Variants in CADPS observed in about 807,000 individuals in gnomAD.
CADPS encodes calcium dependent secretion activator.
CADPS carries 57 observed loss-of-function variants against 167.3 expected under a neutral mutation model. The observed-to-expected ratio is 0.34, with a 90% CI of 0.28 to 0.42. The LOEUF (loss-of-function observed/expected upper bound fraction) is 0.42, where lower values mean the gene tolerates loss of function less well. Ranked by LOEUF, CADPS falls within the 20% of genes least tolerant of loss-of-function variation. CADPS has a pLI of 1.00. For synonymous variants in CADPS, 676 were observed against 635.3 expected, an observed-to-expected ratio of 1.06 and a Z score of -0.96; for missense variants, 1,414 against 1,738.1, an observed-to-expected ratio of 0.81 and a Z score of 3.32.
At position 62,433,522 on chromosome 3, in the gene CADPS, T is replaced by C. The variant is rs567393141; in HGVS notation, c.3777+4582A>G. 6.6e-6 allele frequency among the ~76,000 whole-genome samples: 1 copy of C among 152,294 alleles called. No individual in the cohort carries two copies. Among genetic ancestry groups the C allele is most frequent in the Admixed American group, 6.5e-5 (1 of 15,272 alleles). On this transcript the variant is annotated intron_variant, in intron 28 of 29. Transcript: ENST00000383710. This position sits in a 1 kb window ranked among gnomAD's most constrained non-coding sequence, Gnocchi z 4.7. ...TCCTCCAGAAGGCAGATTAAGTGTA[T>C]AATTGACCTATATAATCCATGTATC...
intron 1 of CADPS, among the ~76,000 whole-genome samples, chr3:62,774,296 A>G (rs1576223028): frequency 1.3e-5 from 2 of 152,258 alleles, no homozygotes; most frequent in South Asian, 2.1e-4. Context: ...TTAAAAAAAA[A>G]GAACATTTTT....
At chr3:62,557,634 C>T in intron 9 of CADPS, 121 bp from the exon 10 acceptor site, 2 of 752,252 alleles carry the variant, frequency 2.7e-6, no homozygotes, top group Admixed American at 1.9e-5. Context: ...CTGAGTTTTG[C>T]TACCTCCTGG....
At chr3:62,645,692 T>C in intron 6 of CADPS, 30 bp downstream of exon 6, 7 of 1,612,368 alleles carry the variant, frequency 4.3e-6, no homozygotes, top group Non-Finnish European at 5.9e-6. Flanking sequence ...CAACCCTCTA[T>C]AAGATGGACC....
At chr3:62,818,302 A>T (rs996892961) in intron 1 of CADPS, among the ~76,000 whole-genome samples, 1 of 152,142 alleles carries the variant, frequency 6.6e-6, no homozygotes, top group Non-Finnish European at 1.5e-5. Flanking sequence ...TCAAAATCTC[A>T]GGGGAGGCAA....
intron 24 of CADPS, among the ~76,000 whole-genome samples, chr3:62,468,483 C>T (rs962654808): frequency 7.2e-5 from 11 of 152,150 alleles, no homozygotes; most frequent in African/African-American, 2.7e-4. Context: ...TCTCCACACA[C>T]CAACAAAGAT....
intron 28 of CADPS, among the ~76,000 whole-genome samples, chr3:62,426,529 C>T (rs987352237): frequency 1.3e-5 from 2 of 152,230 alleles, no homozygotes; most frequent in Non-Finnish European, 2.9e-5. Context: ...TTTCTATGTG[C>T]CATGCACTGT....
At chr3:62,537,919 T>G (rs1159211424) in intron 11 of CADPS, among the ~76,000 whole-genome samples, 1 of 152,162 alleles carries the variant, frequency 6.6e-6, no homozygotes, top group African/African-American at 2.4e-5. Context: ...AAAAACGTTG[T>G]CATTTTTCAT....
chr3:62,678,010 T>G (rs2076588255), intron 3 of CADPS, among the ~76,000 whole-genome samples: 1 of 152,060 alleles, frequency 6.6e-6, no homozygotes, highest in Non-Finnish European at 1.5e-5. Context: ...ACCCCTGTGT[T>G]GTATGCATAT....
At chr3:62,571,116 A>C (rs28666854) in intron 8 of CADPS, among the ~76,000 whole-genome samples, 178 bp from the exon 9 acceptor site, 4,328 of 152,242 alleles carry the variant, frequency 0.028, 175 homozygotes, top group African/African-American at 0.097. Flanking sequence ...TTTCACTTCC[A>C]CTTACAGGAG....
At chr3:62,645,042 A>G (rs1413758553) in intron 6 of CADPS, among the ~76,000 whole-genome samples, 1 of 152,246 alleles carries the variant, frequency 6.6e-6, no homozygotes, top group Non-Finnish European at 1.5e-5. Flanking sequence ...TTAATGTATT[A>G]TGTAACATAC....
chr3:62,448,586 G>A (rs1481351858), intron 26 of CADPS, among the ~76,000 whole-genome samples: 1 of 151,538 alleles, frequency 6.6e-6, no homozygotes, highest in African/African-American at 2.4e-5. Flanking sequence ...AGAGACATGT[G>A]TGTATCATTT....
chr3:62,866,030 A>C (rs974841580), intron 1 of CADPS, among the ~76,000 whole-genome samples: 1 of 152,118 alleles, frequency 6.6e-6, no homozygotes, highest in Non-Finnish European at 1.5e-5. Context: ...CCCAATATGA[A>C]AACTTATTTC....
chr3:62,414,239 C>G (rs1442031465), intron 28 of CADPS, among the ~76,000 whole-genome samples: 1 of 152,144 alleles, frequency 6.6e-6, no homozygotes, highest in Non-Finnish European at 1.5e-5. Context: ...ATCCACCAGC[C>G]CCCGCTCCAA....
chr3:62,406,864 G>C (rs1165462065), intron 28 of CADPS, among the ~76,000 whole-genome samples: 1 of 152,136 alleles, frequency 6.6e-6, no homozygotes, highest in East Asian at 1.9e-4. Context: ...AAGCTGGAAG[G>C]CTTATCTAAA....
chr3:62,724,647 C>G (rs1390553778), intron 3 of CADPS, among the ~76,000 whole-genome samples: 1 of 152,200 alleles, frequency 6.6e-6, no homozygotes, highest in Non-Finnish European at 1.5e-5. Flanking sequence ...CACACACACA[C>G]AGTCTTTACC....
chr3:62,526,982 G>T (rs748177956), intron 13 of CADPS, among the ~76,000 whole-genome samples: 2 of 152,136 alleles, frequency 1.3e-5, no homozygotes, highest in African/African-American at 4.8e-5. Context: ...AAGACCAAAT[G>T]CTTTAGATTC....
intron 1 of CADPS, among the ~76,000 whole-genome samples, chr3:62,840,615 G>T (rs976347227): frequency 6.6e-6 from 1 of 152,034 alleles, no homozygotes. Flanking sequence ...TTAAAATTGT[G>T]CAAACTTTCA....
intron 4 of CADPS, among the ~76,000 whole-genome samples, chr3:62,657,859 G>C (rs1041583714): frequency 6.6e-6 from 1 of 152,114 alleles, no homozygotes; most frequent in East Asian, 1.9e-4. Context: ...ATGTGATGAT[G>C]AGAATGCTGC....
intron 28 of CADPS, among the ~76,000 whole-genome samples, chr3:62,408,874 C>A (rs1346017472): frequency 6.6e-6 from 1 of 152,178 alleles, no homozygotes; most frequent in Non-Finnish European, 1.5e-5. Flanking sequence ...CTTACACAAA[C>A]CCCTGTCAGA....
Sources: allele counts gnomAD v4.1 joint callset (sites outside exome capture counted in the v4.1 genomes callset), GRCh38; gene constraint gnomAD v4.1.1; non-coding constraint Gnocchi (gnomAD v3.1); transcripts MANE v1.5; gene names NCBI Gene and HGNC (gene_info 2026-07-23, HGNC 2026-07-21).